JAKMIP3: variants seen among roughly 807,000 people sequenced by gnomAD.
JAKMIP3 encodes the protein Janus kinase and microtubule interacting protein 3.
A neutral mutation model predicts 118.5 loss-of-function variants in JAKMIP3; 58 were observed. The observed-to-expected ratio is 0.49, with a 90% CI of 0.40 to 0.61. The LOEUF is 0.61. Ranked by LOEUF, JAKMIP3 falls within the 20% of genes least tolerant of loss-of-function variation. The pLI is 0.00. For missense variants in JAKMIP3, 950 were observed against 1,109.0 expected, an observed-to-expected ratio of 0.86 and a Z score of 2.04; for synonymous variants, 486 against 451.2, an observed-to-expected ratio of 1.08 and a Z score of -0.98.
At chr10:132,087,317 T>A (rs949191716) in intron 1 of JAKMIP3, among the ~76,000 whole-genome samples, 2 of 152,018 alleles carry the variant, frequency 1.3e-5, no homozygotes, top group Non-Finnish European at 2.9e-5. Flanking sequence ...TAACTTTAGA[T>A]AACCTGATGA....
At chr10:132,155,492 G>A (rs1002959149) in intron 19 of JAKMIP3, among the ~76,000 whole-genome samples, 5 of 152,206 alleles carry the variant, frequency 3.3e-5, no homozygotes, top group African/African-American at 7.2e-5. Flanking sequence ...GGGCTCAAAC[G>A]CAGAAGCCTA....
rs571255855 is a variant in JAKMIP3 at position 132,127,185 on chromosome 10, G to C, written c.634-6127G>C. Among the ~76,000 whole-genome samples the C allele has an allele frequency of 1.3e-4, 20 of 148,496 alleles. No homozygotes were observed. The South Asian group carries it at 3.6e-3, about 27-fold the overall frequency. On this transcript the variant is annotated intron_variant, in intron 3 of 23. Transcript: ENST00000684848. ...ATAGATTCTTCAAGGAGTATATTCAGTTAATACACATCTTCCCACTTATTG... is the reference window on the plus strand; with the variant it reads ...ATAGATTCTTCAAGGAGTATATTCACTTAATACACATCTTCCCACTTATTG...
In JAKMIP3 at chr10:132,180,622, T is replaced by TGTGC. The variant is rs1270337572; in HGVS notation, c.*1104-1731_*1104-1728dup. 7.0e-5 allele frequency among the ~76,000 whole-genome samples: 3 copies of TGTGC among 43,038 alleles called. 1 individual carries two copies. In the Admixed American group the frequency reaches 7.4e-4, roughly 11 times the overall value. The allele number at this position is 43,038 out of a possible 152,430, so 28.2% of individuals were successfully genotyped here. A position where few individuals can be genotyped will look rare whatever the true frequency, so the allele number is the denominator to read the frequency against. ...GCGTGCGCGTGTGTGTGTGCGTGTG[T>TGTGC]GTGCGTGTGTGCGTGCGTGTGTGCG... is the stretch of plus-strand genomic sequence containing the variant. On this transcript the variant is annotated intron_variant, in intron 23 of 23. Transcript: ENST00000684848.
chr10:132,133,347 C>T lies in JAKMIP3; in HGVS notation c.669C>T (p.Phe223=), dbSNP rs930775564. The part of the protein sequence containing the change: ...EEIKFKDRAV[F]VLERELGVQA... ...TAAAATTTAAAGACAGAGCAGTCTT[C>T]GTGCTGGAGAGAGAGTTAGGGGTTC... Residue 223 remains phenylalanine, a synonymous_variant, in exon 4 of 24, where the codon TTC becomes TTT. Transcript: ENST00000684848. The T allele has an allele frequency of 3.8e-6, 6 of 1,599,792 alleles. No homozygotes were observed. The highest frequency in any genetic ancestry group is 2.3e-5 in the East Asian group (1 of 44,286).
At chr10:132,090,922 A>G (rs1255412110) in intron 1 of JAKMIP3, among the ~76,000 whole-genome samples, 2 of 152,140 alleles carry the variant, frequency 1.3e-5, no homozygotes, top group Non-Finnish European at 2.9e-5. Context: ...ATTTAGTGCC[A>G]TAAATTTCCC....
chr10:132,172,386 A>G (rs1225886786), intron 23 of JAKMIP3, among the ~76,000 whole-genome samples: 2 of 151,938 alleles, frequency 1.3e-5, no homozygotes, highest in Non-Finnish European at 2.9e-5. Flanking sequence ...TTTGTAATCT[A>G]TGCGTGTACT....
chr10:132,098,682 G>C (rs2044360301), intron 1 of JAKMIP3, among the ~76,000 whole-genome samples: 3 of 152,210 alleles, frequency 2.0e-5, no homozygotes, highest in Admixed American at 2.0e-4. Context: ...GTGGCTGCCA[G>C]AGCCCCCAGC....
intron 22 of JAKMIP3, among the ~76,000 whole-genome samples, chr10:132,167,388 C>T (rs947667862): frequency 2.6e-5 from 4 of 152,278 alleles, no homozygotes; most frequent in Admixed American, 6.5e-5. Flanking sequence ...TGGTGGCACT[C>T]GGCAGCAGGC....
intron 1 of JAKMIP3, among the ~76,000 whole-genome samples, chr10:132,097,440 G>T (rs2044036500): frequency 6.6e-6 from 1 of 152,118 alleles, no homozygotes; most frequent in Admixed American, 6.5e-5. Flanking sequence ...GCATCACACG[G>T]ACTCTCGGGA....
At position 132,136,070 on chromosome 10, in the gene JAKMIP3, A is replaced by C; in HGVS notation, c.1110A>C (p.Ile370=). 1 of 1,613,258 alleles carries C rather than the reference A, an allele frequency of 6.2e-7. No individual in the cohort carries two copies. The highest frequency in any genetic ancestry group is 8.5e-7 in the Non-Finnish European group (1 of 1,179,640). The change falls in exon 6 of 24, where the codon ATA becomes ATC. Residue 370 remains isoleucine (I), a synonymous_variant. Transcript: ENST00000684848. ...NKLKFVTQEN[I]EMRQRAGIIR... ...TAAAATTTGTCACCCAGGAGAACAT[A>C]GAAATGGTGAGGGGGTGGGGGGCTC...
chr10:132,036,990 C>T lies in JAKMIP3; in HGVS notation c.-138+252C>T, dbSNP rs551631059. 4.6e-5 allele frequency among the ~76,000 whole-genome samples: 7 copies of T among 152,178 alleles called. No individual in the cohort carries two copies. In the East Asian group the frequency reaches 1.2e-3, roughly 25 times the overall value. ...TGCACAGGCCTCGGCGCTGGCGTGA[C>T]GCGGCCGCTGGGTGGGGCCCGCGCA... On this transcript the variant is annotated intron_variant, in intron 1 of 23. Coordinates refer to the JAKMIP3 transcript ENST00000657785.
rs1227826092 is a variant in JAKMIP3 at position 132,184,119 on chromosome 10, CATAG to C, written c.*2870_*2873del. On this transcript the variant is annotated 3_prime_UTR_variant, in exon 24 of 24. Transcript: ENST00000684848. ...ACTCTGTGTTCAACACACAGAACAACATAGATACTTTAGTTTGTCTAAAGTAAAA... is the reference window on the plus strand; with the variant it reads ...ACTCTGTGTTCAACACACAGAACAACATACTTTAGTTTGTCTAAAGTAAAA... The C allele has an allele frequency of 3.3e-5, 5 of 152,222 alleles. No homozygotes were observed. The highest frequency in any genetic ancestry group is 5.9e-5 in the Non-Finnish European group (4 of 68,042). The allele number at this position is 152,222 out of a possible 1,614,324, so 9.4% of individuals were successfully genotyped here.
intron 3 of JAKMIP3, among the ~76,000 whole-genome samples, chr10:132,126,155 G>A (rs1331019714): frequency 6.6e-6 from 1 of 152,124 alleles, no homozygotes; most frequent in Non-Finnish European, 1.5e-5. Context: ...GTGTAACTTT[G>A]AACAGAGAAG....
chr10:132,061,896 T>C (rs2038408458), upstream of JAKMIP3, among the ~76,000 whole-genome samples: 1 of 152,184 alleles, frequency 6.6e-6, no homozygotes, highest in Admixed American at 6.5e-5. Flanking sequence ...ACATAAAAAC[T>C]GCAAAGACTA....
At chr10:132,091,249 T>C (rs2043052164) in intron 1 of JAKMIP3, among the ~76,000 whole-genome samples, 1 of 152,234 alleles carries the variant, frequency 6.6e-6, no homozygotes, top group South Asian at 2.1e-4. Context: ...GAAGAATGTA[T>C]ATTCTGTTGA....
At chr10:132,172,992 T>C (rs867665494) in intron 23 of JAKMIP3, among the ~76,000 whole-genome samples, 11 of 65,214 alleles carry the variant, frequency 1.7e-4, no homozygotes, top group East Asian at 1.6e-3. Flanking sequence ...TCTCTCTCTC[T>C]CTCCTTCCCT....
chr10:132,178,724 C>T (rs1056471297), intron 23 of JAKMIP3, among the ~76,000 whole-genome samples: 8 of 152,312 alleles, frequency 5.3e-5, no homozygotes, highest in East Asian at 3.9e-4. Flanking sequence ...CTGTAGGTCC[C>T]GAGCCTTCCA....
At chr10:132,135,842 C>G (rs1007112008) in intron 5 of JAKMIP3, 88 bp from the exon 6 acceptor site, 1 of 1,411,784 alleles carries the variant, frequency 7.1e-7, no homozygotes, top group East Asian at 2.4e-5. Context: ...TGTTGCAGCC[C>G]AAGCTGTGGT....
chr10:132,104,807 C>T lies in JAKMIP3; in HGVS notation c.-2C>T. On this transcript the variant is annotated 5_prime_UTR_variant, in exon 2 of 24. Coordinates refer to ENST00000684848, the MANE Select transcript of JAKMIP3 (RefSeq NM_001323087.2). Reference sequence around the variant, plus strand: ...GCATCCCCCTGGCCATCCAGCCTCACCATGTCCAAGAGGGGCATGAGCAGC... The same window carrying T: ...GCATCCCCCTGGCCATCCAGCCTCATCATGTCCAAGAGGGGCATGAGCAGC... 1.1e-5 allele frequency: 17 copies of T among 1,551,038 alleles called. No individual in the cohort carries two copies. Among genetic ancestry groups the T allele is most frequent in the Non-Finnish European group, 1.5e-5 (17 of 1,147,054 alleles).
Sources: allele counts gnomAD v4.1 joint callset (sites outside exome capture counted in the v4.1 genomes callset), GRCh38; gene constraint gnomAD v4.1.1; transcripts MANE v1.5; gene names NCBI Gene and HGNC (gene_info 2026-07-23, HGNC 2026-07-21).